The following ATP6V1E2 variants were observed in gnomAD, a reference collection of about 807,000 sequenced individuals.
ATP6V1E2 encodes ATPase H+ transporting V1 subunit E2.
For synonymous variants in ATP6V1E2, 121 were observed against 104.2 expected (o/e 1.16, Z -0.98); for missense variants, 308 against 273.3 (o/e 1.13, Z -0.90).
chr2:46,516,749 A>C (rs567908851), intron 4 of ATP6V1E2, among the ~76,000 whole-genome samples: 1 of 152,182 alleles, frequency 6.6e-6, no homozygotes, highest in African/African-American at 2.4e-5. Flanking sequence ...TTAAAAAAAA[A>C]AACTCTCAAG....
At chr2:46,525,384 C>T (rs1349248696) in intron 4 of ATP6V1E2, among the ~76,000 whole-genome samples, 1 of 149,928 alleles carries the variant, frequency 6.7e-6, no homozygotes, top group East Asian at 1.9e-4. Context: ...ATGGCGTGAA[C>T]CCGGAAGGCG....
rs1276550920 is a variant in ATP6V1E2, at chr2:46,530,521, G to A, written c.-102+5292C>T. 6.6e-6 allele frequency among the ~76,000 whole-genome samples: 1 copy of A among 152,158 alleles called. No homozygotes were observed. Among genetic ancestry groups the A allele is most frequent in the Non-Finnish European group, 1.5e-5 (1 of 68,036 alleles). On this transcript the variant is annotated intron_variant, in intron 4 of 4. Coordinates refer to ENST00000522587, the MANE Select transcript of ATP6V1E2 (RefSeq NM_001318063.2). This position sits in a 1 kb window ranked among gnomAD's most constrained non-coding sequence, Gnocchi z 5.2. ...CACCTGCCCTGCACTCTCCTCAAGTGTTATTATATATGATATAATTATCAG... is the reference window on the plus strand; with the variant it reads ...CACCTGCCCTGCACTCTCCTCAAGTATTATTATATATGATATAATTATCAG...
Position 46,521,125 on chromosome 2 carries a change from C to T in ATP6V1E2, c.-101-8313G>A, listed in dbSNP as rs114248143. Among the ~76,000 whole-genome samples, 935 of 152,168 alleles carry T rather than the reference C, an allele frequency of 6.1e-3. 5 individuals are homozygous for T. The highest frequency in any genetic ancestry group is 0.01 in the Admixed American group (160 of 15,278). ...ATGGGTCTCACCATTTTGCTGAGGC[C>T]GATATCAAATTCTTGGGCTCAAGCA... On this transcript the variant is annotated intron_variant, in intron 4 of 4. Coordinates refer to ENST00000522587, the MANE Select transcript of ATP6V1E2 (RefSeq NM_001318063.2).
rs73927886 is a variant in ATP6V1E2, at chr2:46,539,213, A to G, written c.-310+2177T>C. Among the ~76,000 whole-genome samples the G allele has an allele frequency of 9.5e-3, 1,448 of 152,350 alleles. 21 individuals carry two copies. Among genetic ancestry groups the G allele is most frequent in the African/African-American group, 0.031 (1,300 of 41,582 alleles). ...TTTGGGGGATGAAATAAGATGTCCT[A>G]TATCAATGAGCACCAAATACCCGGG... On this transcript the variant is annotated intron_variant, in intron 2 of 4. Coordinates refer to ENST00000522587, the MANE Select transcript of ATP6V1E2 (RefSeq NM_001318063.2).
intron 4 of ATP6V1E2, chr2:46,534,644 T>C (rs576173423): frequency 6.6e-6 from 1 of 152,344 alleles, no homozygotes; most frequent in African/African-American, 2.4e-5. Flanking sequence ...TGGTAAAATT[T>C]GTTTTGGCTG....
chr2:46,514,578 A>G (rs1219107179), intron 4 of ATP6V1E2, among the ~76,000 whole-genome samples: 1 of 152,218 alleles, frequency 6.6e-6, no homozygotes, highest in African/African-American at 2.4e-5. Context: ...GAGCTTGAAG[A>G]TATAACATTT....
chr2:46,520,432 C>T (rs1558659250), intron 4 of ATP6V1E2, among the ~76,000 whole-genome samples: 1 of 152,350 alleles, frequency 6.6e-6, no homozygotes, highest in East Asian at 1.9e-4. Context: ...CTAAGTGGCA[C>T]CCACTCCGCC....
chr2:46,512,386 G>C lies in ATP6V1E2; in HGVS notation c.326C>G (p.Pro109Arg). 1.2e-6 allele frequency: 2 copies of C among 1,614,106 alleles called. No individual in the cohort carries two copies. Among genetic ancestry groups the C allele is most frequent in the South Asian group, 1.1e-5 (1 of 91,086 alleles). Residue 109 changes from proline (P) to arginine (R), a missense_variant, in exon 5 of 5, where the codon CCA becomes CGA. Physicochemically the swap from Pro to Arg is moderately radical, Grantham distance 103. Transcript: ENST00000522587. ...ATCCAGCAGCCCCTGGTAGACCTCT[G>C]GGTCCTCCACAATCCTGCTGAGTCT... ...KLRLSRIVEDPEVYQGLLDKL... is the reference protein window; with the variant it reads ...KLRLSRIVEDREVYQGLLDKL...
chr2:46,528,284 C>G (rs188156259), intron 4 of ATP6V1E2, among the ~76,000 whole-genome samples: 1 of 152,300 alleles, frequency 6.6e-6, no homozygotes, highest in East Asian at 1.9e-4. Flanking sequence ...AATAAATTCA[C>G]CCTTCTTAGA....
chr2:46,531,683 C>T (rs918346664), intron 4 of ATP6V1E2, among the ~76,000 whole-genome samples: 1 of 152,208 alleles, frequency 6.6e-6, no homozygotes, highest in African/African-American at 2.4e-5. Context: ...TCTTCACCAA[C>T]ACTTATTTTC....
intron 4 of ATP6V1E2, among the ~76,000 whole-genome samples, chr2:46,525,191 G>C (rs1056688164): frequency 6.6e-6 from 1 of 152,168 alleles, no homozygotes; most frequent in Non-Finnish European, 1.5e-5. Context: ...GCAGGGACAG[G>C]CGGCCGGGCG....
At chr2:46,527,368 C>A (rs1666972903) in intron 4 of ATP6V1E2, among the ~76,000 whole-genome samples, 1 of 152,142 alleles carries the variant, frequency 6.6e-6, no homozygotes, top group Non-Finnish European at 1.5e-5. Context: ...ACTACAGGCA[C>A]CTGCCACCAT....
intron 4 of ATP6V1E2, among the ~76,000 whole-genome samples, chr2:46,520,123 G>A (rs956668152): frequency 6.6e-6 from 1 of 152,192 alleles, no homozygotes; most frequent in Non-Finnish European, 1.5e-5. Flanking sequence ...CTGAGTTCTT[G>A]TGTCCCCTCC....
chr2:46,515,156 G>C (rs371322758), intron 4 of ATP6V1E2, among the ~76,000 whole-genome samples: 10 of 152,142 alleles, frequency 6.6e-5, no homozygotes, highest in African/African-American at 2.2e-4. Context: ...ATTTGAAACA[G>C]AAGGCCACTA....
chr2:46,532,730 C>T (rs886749845), intron 4 of ATP6V1E2, among the ~76,000 whole-genome samples: 2 of 152,162 alleles, frequency 1.3e-5, no homozygotes, highest in African/African-American at 4.8e-5. Flanking sequence ...AAAATGCCAT[C>T]TTGGAAGCAG....
chr2:46,523,659 T>C (rs533096735), intron 4 of ATP6V1E2, among the ~76,000 whole-genome samples: 3 of 152,318 alleles, frequency 2.0e-5, no homozygotes, highest in South Asian at 2.1e-4. Context: ...TGAAGTCAGG[T>C]AGTGTGATGC....
At chr2:46,537,835 T>C (rs909849423) in intron 2 of ATP6V1E2, among the ~76,000 whole-genome samples, 3 of 152,200 alleles carry the variant, frequency 2.0e-5, no homozygotes, top group Admixed American at 1.3e-4. Context: ...TTTTAGAACA[T>C]ACTGTCCTCT....
In ATP6V1E2 at chr2:46,512,452, C is replaced by A; in HGVS notation, c.260G>T (p.Arg87Leu). 1.9e-6 allele frequency: 3 copies of A among 1,614,174 alleles called. No individual in the cohort carries two copies. The highest frequency in any genetic ancestry group is 2.5e-6 in the Non-Finnish European group (3 of 1,180,038). The change falls in exon 5 of 5, where the codon CGA becomes CTA. Residue 87 changes from arginine (R) to leucine (L), a missense_variant. Physicochemically the swap from Arg to Leu is moderately radical, Grantham distance 102. Coordinates refer to ENST00000522587, the MANE Select transcript of ATP6V1E2 (RefSeq NM_001318063.2). Reference protein sequence around the residue: ...NQARLKVLRARNDLISDLLSE... With the variant: ...NQARLKVLRALNDLISDLLSE... ...GAGCAAATCTGAGATGAGGTCATTT[C>A]GGGCTCTCAGGACTTTCAGCCTCGC... is the stretch of plus-strand genomic sequence containing the variant.
intron 2 of ATP6V1E2, among the ~76,000 whole-genome samples, chr2:46,540,965 G>C (rs757363323): frequency 1.3e-5 from 2 of 152,216 alleles, no homozygotes; most frequent in Non-Finnish European, 2.9e-5. Context: ...ATTTATAGAT[G>C]AGAAAACGGA....
Sources: gnomAD v4.1 joint callset for allele counts (sites outside exome capture counted in the v4.1 genomes callset) on GRCh38, gnomAD v4.1.1 for gene constraint, Gnocchi (gnomAD v3.1) non-coding constraint, MANE v1.5 for transcripts, NCBI Gene and HGNC (gene_info 2026-07-23, HGNC 2026-07-21) for gene names.